The following MOSMO variants were observed in gnomAD, a reference collection of about 807,000 sequenced individuals.
The protein encoded by MOSMO is modulator of smoothened.
MOSMO carries 5 observed loss-of-function variants against 18.4 expected under a neutral mutation model. The observed-to-expected ratio is 0.27, with a 90% CI of 0.14 to 0.57. The LOEUF is 0.57. MOSMO is among the 20% of genes least tolerant of loss of function. The probability of loss-of-function intolerance (pLI) is 0.92; values close to 1 mark genes in which losing one functional copy is unlikely to be tolerated. For missense variants in MOSMO, 138 were observed against 211.8 expected (o/e 0.65, Z 2.16); for synonymous variants, 82 against 82.3 (o/e 1.00, Z 0.02).
chr16:22,062,390 A>G (rs181404864), intron 1 of MOSMO, among the ~76,000 whole-genome samples: 29 of 152,242 alleles, frequency 1.9e-4, no homozygotes, highest in African/African-American at 6.7e-4. Context: ...TAACATGTTC[A>G]TAGCTCACTG....
At chr16:22,064,200 CA>C in intron 1 of MOSMO, 1 of 409,430 alleles carries the variant, frequency 2.4e-6, no homozygotes, top group South Asian at 1.8e-5. Context: ...TCATTGTCCA[CA>C]GGCAGTCCTT....
At chr16:22,047,084 T>C (rs1900322821) in intron 1 of MOSMO, among the ~76,000 whole-genome samples, 1 of 152,052 alleles carries the variant, frequency 6.6e-6, no homozygotes, top group South Asian at 2.1e-4. Context: ...TATAAATATG[T>C]GGACTTACAG....
At chr16:22,047,268 G>A (rs1420539764) in intron 1 of MOSMO, among the ~76,000 whole-genome samples, 2 of 129,168 alleles carry the variant, frequency 1.5e-5, no homozygotes, top group Admixed American at 8.4e-5. Context: ...TTTTTTAGAC[G>A]GAGTCTTGCT....
At chr16:22,051,436 AT>A (rs1293009412) in intron 1 of MOSMO, among the ~76,000 whole-genome samples, 1 of 152,240 alleles carries the variant, frequency 6.6e-6, no homozygotes, top group African/African-American at 2.4e-5. Flanking sequence ...TACAAAAAAA[AT>A]CTACCATAAA....
chr16:22,013,829 A>T, intron 1 of MOSMO, among the ~76,000 whole-genome samples: 1 of 147,698 alleles, frequency 6.8e-6, no homozygotes, highest in East Asian at 2.0e-4. Context: ...ATTTCTGAAG[A>T]TATTTTCATT....
chr16:22,042,020 A>G (rs945839399), intron 1 of MOSMO, among the ~76,000 whole-genome samples: 2 of 152,176 alleles, frequency 1.3e-5, no homozygotes, highest in Non-Finnish European at 2.9e-5. Flanking sequence ...AGAAGATGGT[A>G]TAAGAGAAAT....
chr16:22,019,811 A>G (rs975566287), intron 1 of MOSMO, among the ~76,000 whole-genome samples: 5 of 152,306 alleles, frequency 3.3e-5, no homozygotes, highest in African/African-American at 1.2e-4. Context: ...GAAGACAGGA[A>G]TATTTGGCAC....
chr16:22,020,726 A>T (rs1329378333), intron 1 of MOSMO, among the ~76,000 whole-genome samples: 1 of 152,266 alleles, frequency 6.6e-6, no homozygotes, highest in African/African-American at 2.4e-5. Flanking sequence ...TTCTGCAACA[A>T]CAAAATAGTA....
At chr16:22,062,377 C>T (rs992596055) in intron 1 of MOSMO, among the ~76,000 whole-genome samples, 3 of 151,940 alleles carry the variant, frequency 2.0e-5, no homozygotes, top group Admixed American at 1.3e-4. Flanking sequence ...GGATGGAGTA[C>T]AGTAACATGT....
chr16:22,026,204 A>C (rs927343837), intron 1 of MOSMO, among the ~76,000 whole-genome samples: 1 of 150,710 alleles, frequency 6.6e-6, no homozygotes, highest in African/African-American at 2.4e-5. Context: ...TGGATATGAG[A>C]GAATTGCATT....
intron 1 of MOSMO, among the ~76,000 whole-genome samples, chr16:22,022,178 T>A (rs1231656560): frequency 6.6e-6 from 1 of 151,998 alleles, no homozygotes; most frequent in East Asian, 1.9e-4. Flanking sequence ...TGGCTGCCCG[T>A]ATCACTTTTT....
At chr16:22,039,301 T>G (rs1900167372) in intron 1 of MOSMO, among the ~76,000 whole-genome samples, 1 of 152,186 alleles carries the variant, frequency 6.6e-6, no homozygotes, top group African/African-American at 2.4e-5. Context: ...ATAAGCTAGG[T>G]GACCTTAGGC....
downstream of MOSMO, among the ~76,000 whole-genome samples, chr16:22,086,476 A>C (rs1216680818): frequency 6.6e-6 from 1 of 152,098 alleles, no homozygotes; most frequent in African/African-American, 2.4e-5. Flanking sequence ...AAATATATCT[A>C]ATCTTTTGTG....
At chr16:22,025,750 T>C (rs1899863150) in intron 1 of MOSMO, among the ~76,000 whole-genome samples, 2 of 152,144 alleles carry the variant, frequency 1.3e-5, no homozygotes, top group Non-Finnish European at 2.9e-5. Flanking sequence ...GCAGGGGAAA[T>C]GTCCCCATTT....
intron 1 of MOSMO, among the ~76,000 whole-genome samples, chr16:22,073,149 G>C (rs1900892878): frequency 6.6e-6 from 1 of 152,090 alleles, no homozygotes; most frequent in Non-Finnish European, 1.5e-5. Context: ...GAGTAAGAAA[G>C]TCAACATAAG....
intron 1 of MOSMO, among the ~76,000 whole-genome samples, chr16:22,059,888 A>T (rs1043160121): frequency 1.3e-5 from 2 of 152,156 alleles, no homozygotes; most frequent in African/African-American, 4.8e-5. Context: ...TAAGAAATTG[A>T]CAAATTGGCC....
intron 1 of MOSMO, among the ~76,000 whole-genome samples, chr16:22,056,365 C>CTTTTTTTTTTTTTTTTT (rs35642716): frequency 3.7e-5 from 2 of 54,614 alleles, no homozygotes; most frequent in African/African-American, 1.6e-4. Flanking sequence ...TTCTTTCTTT[C>CTTTTTTTTTTTTTTTTT]TTTTTTTTTT....
At chr16:22,016,891 A>G (rs1008217604) in intron 1 of MOSMO, among the ~76,000 whole-genome samples, 2 of 152,192 alleles carry the variant, frequency 1.3e-5, no homozygotes, top group African/African-American at 2.4e-5. Flanking sequence ...AAGATCATTT[A>G]GTTCAGAGGT....
At chr16:22,011,451 T>C (rs548362743) in intron 1 of MOSMO, among the ~76,000 whole-genome samples, 3 of 152,154 alleles carry the variant, frequency 2.0e-5, no homozygotes, top group Non-Finnish European at 2.9e-5. Context: ...GAGTGTCAGC[T>C]GGATAAAGAG....
Sources: gnomAD v4.1 joint callset for allele counts (sites outside exome capture counted in the v4.1 genomes callset) on GRCh38, gnomAD v4.1.1 for gene constraint, MANE v1.5 for transcripts, NCBI Gene and HGNC (gene_info 2026-07-23, HGNC 2026-07-21) for gene names.